The following ABL1 variants were observed in gnomAD, a reference collection of about 807,000 sequenced individuals.
ABL1 encodes ABL proto-oncogene 1, non-receptor tyrosine kinase, also known as tyrosine-protein kinase ABL1.
ABL1 carries 11 observed loss-of-function variants against 94.7 expected under a neutral mutation model. The observed-to-expected ratio is 0.12, with a 90% CI of 0.07 to 0.19. The LOEUF is 0.19. ABL1 is among the 10% of genes least tolerant of loss of function. The pLI is 1.00. For missense variants in ABL1, 1,082 were observed against 1,489.4 expected (o/e 0.73, Z 4.50); for synonymous variants, 656 against 622.4 (o/e 1.05, Z -0.80).
intron 4 of ABL1, among the ~76,000 whole-genome samples, chr9:130,866,055 A>T (rs1317384266): frequency 2.0e-5 from 3 of 152,182 alleles, no homozygotes; most frequent in African/African-American, 7.2e-5. Context: ...TCATCTGGTA[A>T]TATAGTGTGG....
At chr9:130,742,059 G>T (rs1322307926) in intron 1 of ABL1, among the ~76,000 whole-genome samples, 3 of 152,142 alleles carry the variant, frequency 2.0e-5, no homozygotes, top group Non-Finnish European at 2.9e-5. Context: ...GTGACCTTTT[G>T]CTCCACAGAC....
Position 130,803,200 on chromosome 9 carries a change from C to T in ABL1, c.137-50864C>T, listed in dbSNP as rs138085098. Among the ~76,000 whole-genome samples, 170 of 152,164 alleles carry T rather than the reference C, an allele frequency of 1.1e-3. No homozygotes were observed. The East Asian group carries it at 0.025, about 23-fold the overall frequency. On this transcript the variant is annotated intron_variant, in intron 1 of 10. Coordinates refer to the ABL1 transcript ENST00000372348. Reference sequence around the variant, plus strand: ...GATTACAGGCCCGCACCACCACGCCCGGCTAATTTTTGTATTCTTAGTAGA... The same window carrying T: ...GATTACAGGCCCGCACCACCACGCCTGGCTAATTTTTGTATTCTTAGTAGA...
intron 1 of ABL1, among the ~76,000 whole-genome samples, chr9:130,849,938 C>T (rs1041442235): frequency 6.6e-6 from 1 of 152,162 alleles, no homozygotes; most frequent in Non-Finnish European, 1.5e-5. Flanking sequence ...CAAGAATGCT[C>T]TGCCTCACAG....
Position 130,883,992 on chromosome 9 carries a change from G to A in ABL1, c.1702G>A (p.Val568Met), listed in dbSNP as rs141983052. Reference protein sequence around the residue: ...ESDPLDHEPAVSPLLPRKERG... With the variant: ...ESDPLDHEPAMSPLLPRKERG... ...AGATCCTCTGGACCATGAGCCTGCC[G>A]TGTCTCCATTGCTCCCTCGAAAAGA... Residue 568 changes from valine (V) to methionine (M), a missense_variant, in exon 11 of 11, where the codon GTG (valine) becomes ATG (methionine). This residue lies in a region of ABL1 where 780 missense variants were observed against 835.8 expected (regional missense o/e 0.93). Transcript: ENST00000318560. 23 of 1,612,894 alleles carry A rather than the reference G, an allele frequency of 1.4e-5. No homozygotes were observed. Among genetic ancestry groups the A allele is most frequent in the Admixed American group, 6.7e-5 (4 of 59,858 alleles).
In ABL1 at chr9:130,856,810, G is replaced by A. The variant is rs562970882; in HGVS notation, c.549+1714G>A. On this transcript the variant is annotated intron_variant, in intron 3 of 10. Transcript: ENST00000318560. ...ATTGTTTTATGGCAACAGGTTTAGAGCTGCCTCATTCTTACCAGTGACTGT... is the reference window on the plus strand; with the variant it reads ...ATTGTTTTATGGCAACAGGTTTAGAACTGCCTCATTCTTACCAGTGACTGT... 2.0e-5 allele frequency among the ~76,000 whole-genome samples: 3 copies of A among 152,334 alleles called. No individual in the cohort carries two copies. In the South Asian group the frequency reaches 6.2e-4, roughly 32 times the overall value.
In ABL1 at chr9:130,873,116, C is replaced by T. The variant is rs35792957; in HGVS notation, c.1085+79C>T. On this transcript the variant is annotated intron_variant, in intron 6 of 10. Transcript: ENST00000318560. ...GCAGCCTTTTACAAAAAGCCCCAGCCTAGGAGGTCTCAGGGCGCAGCTTCT... is the reference window on the plus strand; with the variant it reads ...GCAGCCTTTTACAAAAAGCCCCAGCTTAGGAGGTCTCAGGGCGCAGCTTCT... The T allele has an allele frequency of 3.5e-3, 5,048 of 1,460,376 alleles. 11 individuals carry two copies. The highest frequency in any genetic ancestry group is 4.3e-3 in the Non-Finnish European group (4,676 of 1,083,882). 90.5% of individuals were successfully genotyped at this position (1,460,376 alleles called of 1,614,324 possible).
chr9:130,786,081 A>G (rs1281031934), intron 1 of ABL1, among the ~76,000 whole-genome samples: 2 of 152,158 alleles, frequency 1.3e-5, no homozygotes, highest in Non-Finnish European at 2.9e-5. Flanking sequence ...ACGCCACACC[A>G]CACAGGCACA....
chr9:130,720,295 G>A (rs184117107), intron 1 of ABL1, among the ~76,000 whole-genome samples: 4 of 152,310 alleles, frequency 2.6e-5, no homozygotes, highest in African/African-American at 7.2e-5. Context: ...ACAGGGAATG[G>A]GGTAGGAGGT....
chr9:130,836,781 C>T (rs1345380091), intron 1 of ABL1, among the ~76,000 whole-genome samples: 1 of 145,728 alleles, frequency 6.9e-6, no homozygotes, highest in Non-Finnish European at 1.5e-5. Flanking sequence ...GCCAAGATCG[C>T]GCCACTGCAC....
intron 1 of ABL1, among the ~76,000 whole-genome samples, chr9:130,775,747 TAA>T (rs573902785): frequency 7.0e-6 from 1 of 143,720 alleles, no homozygotes; most frequent in South Asian, 2.2e-4. Flanking sequence ...CACGTGGAAT[TAA>T]AAAAAAAAAG....
intron 1 of ABL1, among the ~76,000 whole-genome samples, chr9:130,748,614 C>T (rs7020159): frequency 0.26 from 38,768 of 150,828 alleles, 6,960 homozygotes; most frequent in East Asian, 0.52. Context: ...CTTGCTCTGT[C>T]GCCCACACTG....
intron 1 of ABL1, among the ~76,000 whole-genome samples, chr9:130,819,719 T>A (rs922260086): frequency 2.0e-5 from 3 of 151,766 alleles, no homozygotes; most frequent in Non-Finnish European, 2.9e-5. Context: ...TTTTTTGTAT[T>A]TTTAGTAGAG....
chr9:130,735,957 A>ATTTTTTTTT (rs1238756333), intron 1 of ABL1, among the ~76,000 whole-genome samples: 6 of 43,826 alleles, frequency 1.4e-4, no homozygotes, highest in African/African-American at 7.2e-4. Flanking sequence ...ATATATATAT[A>ATTTTTTTTT]TATATTTTTT....
intron 1 of ABL1, among the ~76,000 whole-genome samples, chr9:130,808,932 G>A (rs1366100556): frequency 2.0e-5 from 3 of 152,138 alleles, no homozygotes; most frequent in African/African-American, 4.8e-5. Context: ...TAAGAACAGC[G>A]AATCCTGAGA....
chr9:130,742,845 T>C (rs1831837203), intron 1 of ABL1, among the ~76,000 whole-genome samples: 2 of 151,996 alleles, frequency 1.3e-5, no homozygotes, highest in Non-Finnish European at 2.9e-5. Context: ...TTATATAATA[T>C]ATACTGTATA....
intron 1 of ABL1, among the ~76,000 whole-genome samples, chr9:130,790,232 G>A (rs942097896): frequency 6.6e-6 from 1 of 152,212 alleles, no homozygotes; most frequent in African/African-American, 2.4e-5. Flanking sequence ...ACTCCACAGA[G>A]CTCTATGCTG....
chr9:130,737,715 G>C (rs1831761553), intron 1 of ABL1, among the ~76,000 whole-genome samples: 2 of 152,026 alleles, frequency 1.3e-5, no homozygotes, highest in Admixed American at 1.3e-4. Flanking sequence ...TGAGACTAGT[G>C]AAAAAGTCAT....
rs766043559 is a variant in ABL1, at chr9:130,838,344, T to G, written c.79+2819T>G. 3.0e-4 allele frequency among the ~76,000 whole-genome samples: 45 copies of G among 152,210 alleles called. 1 individual carries two copies. Among genetic ancestry groups the G allele is most frequent in the Non-Finnish European group, 4.9e-4 (33 of 68,034 alleles). ...AAACTCCTCCAATTAATCCCTGAAA[T>G]GTAAGGGTAGTCTCTTTTTCTTTTC... On this transcript the variant is annotated intron_variant, in intron 1 of 10. Coordinates refer to ENST00000318560, the MANE Select transcript of ABL1 (RefSeq NM_005157.6).
At chr9:130,757,966 G>A (rs969625949) in intron 1 of ABL1, among the ~76,000 whole-genome samples, 3 of 152,290 alleles carry the variant, frequency 2.0e-5, no homozygotes, top group East Asian at 3.9e-4. Context: ...GCACACCCAG[G>A]TGCTGTCCCT....
Sources: gnomAD v4.1 joint callset for allele counts (sites outside exome capture counted in the v4.1 genomes callset) on GRCh38, gnomAD v4.1.1 for gene constraint, gnomAD v4.1.1 regional missense constraint, MANE v1.5 for transcripts, NCBI Gene and HGNC (gene_info 2026-07-23, HGNC 2026-07-21) for gene names.